The following GTF2I variants were observed in gnomAD, a reference collection of about 807,000 sequenced individuals.
The protein encoded by GTF2I is general transcription factor II-I.
Under a neutral mutation model 67.6 loss-of-function variants are expected in GTF2I, and 12 were observed. That is an observed-to-expected ratio of 0.18 (90% CI 0.11 to 0.29). The LOEUF (loss-of-function observed/expected upper bound fraction) is 0.29, where lower values mean the gene tolerates loss of function less well. Ranked by LOEUF, GTF2I falls within the 10% of genes least tolerant of loss-of-function variation. The probability of loss-of-function intolerance (pLI) is 1.00; values close to 1 mark genes in which losing one functional copy is unlikely to be tolerated. For synonymous variants in GTF2I, 149 were observed against 197.0 expected, an observed-to-expected ratio of 0.76 and a Z score of 2.04; for missense variants, 271 against 580.1, an observed-to-expected ratio of 0.47 and a Z score of 5.47.
intron 12 of GTF2I, among the ~76,000 whole-genome samples, chr7:74,722,404 T>C (rs781923838): frequency 1.3e-5 from 2 of 152,214 alleles, no homozygotes; most frequent in Non-Finnish European, 2.9e-5. Flanking sequence ...AGGTATGTTA[T>C]CTCTAATGTG....
At chr7:74,721,403 T>G (rs180974066) in intron 12 of GTF2I, among the ~76,000 whole-genome samples, 1 of 152,312 alleles carries the variant, frequency 6.6e-6, no homozygotes, top group African/African-American at 2.4e-5. Flanking sequence ...CATTTGTGAT[T>G]AAGTAGTAGA....
At chr7:74,667,988 C>T (rs1344177717) in intron 1 of GTF2I, among the ~76,000 whole-genome samples, 1 of 151,824 alleles carries the variant, frequency 6.6e-6, no homozygotes, top group Non-Finnish European at 1.5e-5. Context: ...TGCGCACCAC[C>T]ACGCCCAGCT....
At chr7:74,726,872 GA>G (rs1793863779) in intron 12 of GTF2I, 1 of 151,198 alleles carries the variant, frequency 6.6e-6, no homozygotes, top group Non-Finnish European at 1.5e-5. Context: ...TAGATAGATA[GA>G]TAGATAGATA....
At chr7:74,675,314 T>A (rs1562940879) in intron 1 of GTF2I, among the ~76,000 whole-genome samples, 1 of 152,310 alleles carries the variant, frequency 6.6e-6, no homozygotes, top group East Asian at 1.9e-4. Context: ...AGCAGGAATA[T>A]CCATGTTTTC....
rs1026793549 is a variant in GTF2I at position 74,683,580 on chromosome 7, C to T, written c.-5-5544C>T. On this transcript the variant is annotated intron_variant, in intron 1 of 34. Transcript: ENST00000573035. ...TAAAAATACAGAATTAGGCCGGGTG[C>T]GGTGGCTCACGCCTGTAATCTCAGC... 1.2e-4 allele frequency among the ~76,000 whole-genome samples: 18 copies of T among 152,226 alleles called. No individual in the cohort carries two copies. In the South Asian group the frequency reaches 2.9e-3, roughly 25 times the overall value.
chr7:74,722,181 T>G (rs1554404752), intron 12 of GTF2I, among the ~76,000 whole-genome samples: 1 of 152,194 alleles, frequency 6.6e-6, no homozygotes, highest in Non-Finnish European at 1.5e-5. Context: ...CGCGGACGTG[T>G]TTGTGGATAC....
chr7:74,727,922 C>T (rs782621353), intron 12 of GTF2I: 14 of 152,256 alleles, frequency 9.2e-5, no homozygotes, highest in Non-Finnish European at 1.8e-4. Flanking sequence ...TATACACAGC[C>T]TCTGTGCTGA....
At chr7:74,675,982 C>T (rs1373123435) in intron 1 of GTF2I, among the ~76,000 whole-genome samples, 1 of 152,052 alleles carries the variant, frequency 6.6e-6, no homozygotes, top group Non-Finnish European at 1.5e-5. Flanking sequence ...TGCACTGCAG[C>T]CTGGGTGACA....
chr7:74,724,742 G>A (rs1344365623), intron 12 of GTF2I, among the ~76,000 whole-genome samples: 2 of 152,152 alleles, frequency 1.3e-5, no homozygotes, highest in African/African-American at 4.8e-5. Context: ...CCAACATGGT[G>A]AAATTCCATC....
In GTF2I at chr7:74,698,049, G is replaced by A. The variant is rs375010961; in HGVS notation, c.239-912G>A. Among the ~76,000 whole-genome samples the A allele has an allele frequency of 1.4e-4, 22 of 152,248 alleles. No individual in the cohort carries two copies. The East Asian group carries it at 2.9e-3, about 20-fold the overall frequency. On this transcript the variant is annotated intron_variant, in intron 3 of 34. Coordinates refer to ENST00000573035, the MANE Select transcript of GTF2I (RefSeq NM_032999.4). The stretch of plus-strand genomic sequence containing the variant: ...CCGCTCGCTGCAAGCTCCACCTCCC[G>A]GGCTCACGCCATTCTCTTGCCCCAG...
At chr7:74,673,637 C>T (rs1167126159) in intron 1 of GTF2I, among the ~76,000 whole-genome samples, 1 of 151,512 alleles carries the variant, frequency 6.6e-6, no homozygotes, top group Non-Finnish European at 1.5e-5. Context: ...CCTCGCCCTC[C>T]CAAAGTGTTG....
chr7:74,715,958 TCTTA>T (rs1363490257), intron 10 of GTF2I, among the ~76,000 whole-genome samples: 24 of 152,124 alleles, frequency 1.6e-4, no homozygotes, highest in African/African-American at 5.3e-4. Context: ...TTATAACATA[TCTTA>T]CTTTTAGTAT....
At chr7:74,690,727 C>T (rs1554396783) in intron 2 of GTF2I, among the ~76,000 whole-genome samples, 1 of 152,150 alleles carries the variant, frequency 6.6e-6, no homozygotes, top group Admixed American at 6.6e-5. Flanking sequence ...TTGACAGTGC[C>T]CCCCAGCAAG....
intron 19 of GTF2I, among the ~76,000 whole-genome samples, chr7:74,739,031 T>G (rs1234287266): frequency 9.4e-5 from 5 of 52,982 alleles, no homozygotes; most frequent in African/African-American, 2.4e-4. Context: ...TATCTTTTTT[T>G]TTTTTTTTTT....
intron 26 of GTF2I, among the ~76,000 whole-genome samples, chr7:74,750,459 T>C (rs1186807957): frequency 3.4e-5 from 3 of 88,714 alleles, no homozygotes; most frequent in Non-Finnish European, 7.1e-5. Context: ...GAAATAAGAA[T>C]AATTGGAATT....
At chr7:74,661,462 C>T (rs960841630) in intron 1 of GTF2I, among the ~76,000 whole-genome samples, 3 of 152,096 alleles carry the variant, frequency 2.0e-5, no homozygotes, top group Admixed American at 1.3e-4. Context: ...GGTGGAACAC[C>T]TGAAGTCAGG....
At chr7:74,684,597 G>T (rs587763291) in intron 1 of GTF2I, 1 of 152,414 alleles carries the variant, frequency 6.6e-6, no homozygotes, top group South Asian at 2.1e-4. Flanking sequence ...ACTGTCCCAG[G>T]AAGGAAACTC....
At position 74,692,111 on chromosome 7, in the gene GTF2I, G is replaced by A. The variant is rs111442181; in HGVS notation, c.238+1000G>A. On this transcript the variant is annotated intron_variant, in intron 3 of 34. Coordinates refer to ENST00000573035, the MANE Select transcript of GTF2I (RefSeq NM_032999.4). ...TTTTTAAGAGATGGGGTCTCGCTCCGTCACCAGGCTGGAGTGCAGTGGCGC... is the reference window on the plus strand; with the variant it reads ...TTTTTAAGAGATGGGGTCTCGCTCCATCACCAGGCTGGAGTGCAGTGGCGC... Among the ~76,000 whole-genome samples, 716 of 143,288 alleles carry A rather than the reference G, an allele frequency of 5.0e-3. 10 individuals carry two copies. Among genetic ancestry groups the A allele is most frequent in the African/African-American group, 0.018 (676 of 38,166 alleles). The allele number at this position is 143,288 out of a possible 152,430, so 94.0% of individuals were successfully genotyped here.
At chr7:74,662,336 G>A (rs941163388) in intron 1 of GTF2I, among the ~76,000 whole-genome samples, 1 of 150,024 alleles carries the variant, frequency 6.7e-6, no homozygotes, top group African/African-American at 2.5e-5. Flanking sequence ...TCAGCCTCCG[G>A]AGTAGCTGGG....
Sources: gnomAD v4.1 joint callset for allele counts (sites outside exome capture counted in the v4.1 genomes callset) on GRCh38, gnomAD v4.1.1 for gene constraint, MANE v1.5 for transcripts, NCBI Gene and HGNC (gene_info 2026-07-23, HGNC 2026-07-21) for gene names.